Variants in TEX10 observed in about 807,000 individuals in gnomAD.
TEX10 encodes the protein testis expressed 10, also known as testis-expressed protein 10.
Under a neutral mutation model 104.4 loss-of-function variants are expected in TEX10, and 24 were observed. The observed-to-expected ratio is 0.23, with a 90% CI of 0.17 to 0.32. TEX10 has a LOEUF of 0.32. TEX10 is among the 10% of genes least tolerant of loss of function. TEX10 has a pLI of 1.00. For synonymous variants in TEX10, 396 were observed against 393.4 expected, an observed-to-expected ratio of 1.01 and a Z score of -0.08; for missense variants, 921 against 1,083.9, an observed-to-expected ratio of 0.85 and a Z score of 2.11.
intron 14 of TEX10, among the ~76,000 whole-genome samples, 155 bp downstream of exon 14, chr9:100,303,477 C>T (rs945082156): frequency 6.9e-6 from 1 of 145,594 alleles, no homozygotes; most frequent in African/African-American, 2.5e-5. Flanking sequence ...TGCTGGACAG[C>T]ACGGGAGACC....
At chr9:100,352,303 T>A in intron 1 of TEX10, 2 of 1,515,528 alleles carry the variant, frequency 1.3e-6, no homozygotes, top group Non-Finnish European at 1.8e-6. Flanking sequence ...AGAAAACTGG[T>A]AGTCCCCTTC....
rs763912971 is a variant in TEX10, at chr9:100,308,594, C to T, written c.2371G>A (p.Glu791Lys). 8 of 1,613,294 alleles carry T rather than the reference C, an allele frequency of 5.0e-6. No individual in the cohort carries two copies. The Admixed American group carries it at 1.3e-4, about 27-fold the overall frequency. ...KLLDHTCVVSETLLPFLASCC... is the reference protein window; with the variant it reads ...KLLDHTCVVSKTLLPFLASCC... ...GAAGCCAGAAATGGCAGTAGAGTCT[C>T]ACTAACTACACAAGTATGATCCAGG... Residue 791 changes from glutamate to lysine, a missense_variant, in exon 13 of 15, where the codon GAG (glutamate) becomes AAG (lysine). Transcript: ENST00000374902.
chr9:100,312,516 T>C (rs186362471), intron 11 of TEX10, among the ~76,000 whole-genome samples: 2 of 152,336 alleles, frequency 1.3e-5, no homozygotes, highest in East Asian at 1.9e-4. Context: ...GACTACTTTA[T>C]GTCCAATAAG....
At chr9:100,337,642 C>A (rs1232831419) in intron 5 of TEX10, among the ~76,000 whole-genome samples, 1 of 152,182 alleles carries the variant, frequency 6.6e-6, no homozygotes, top group Non-Finnish European at 1.5e-5. Flanking sequence ...CCAAAAGGAT[C>A]TGAAAGATGA....
rs527430258 is a variant in TEX10 at position 100,347,198 on chromosome 9, C to T, written c.389G>A (p.Arg130Gln). ...AAAAAATGGAGAAATTTGTTCAGCTCGTATTTTGGGGGCCAGGAATTGAAG... is the reference window on the plus strand; with the variant it reads ...AAAAAATGGAGAAATTTGTTCAGCTTGTATTTTGGGGGCCAGGAATTGAAG... ...QLLQFLAPKI[R>Q]AEQISPFFPL... Residue 130 changes from arginine (R) to glutamine (Q), a missense_variant, in exon 3 of 15, where the codon CGA becomes CAA. Around this residue, in one of 3 missense-constraint regions of TEX10, gnomAD observed 50 missense variants for 104.2 expected, o/e 0.48. Coordinates refer to ENST00000374902, the MANE Select transcript of TEX10 (RefSeq NM_017746.4). 1.1e-5 allele frequency: 17 copies of T among 1,613,936 alleles called. No individual in the cohort carries two copies. The highest frequency in any genetic ancestry group is 4.0e-5 in the African/African-American group (3 of 75,020).
intron 11 of TEX10, among the ~76,000 whole-genome samples, chr9:100,312,152 T>G (rs950162338): frequency 2.6e-5 from 4 of 152,228 alleles, no homozygotes; most frequent in Non-Finnish European, 5.9e-5. Context: ...TTTTTATTAA[T>G]CCAAACCACA....
intron 1 of TEX10, chr9:100,352,283 G>A: frequency 7.0e-7 from 1 of 1,431,070 alleles, no homozygotes; most frequent in Non-Finnish European, 9.6e-7. Context: ...GCCCAGGCAG[G>A]GGCGACCCCA....
chr9:100,334,069 G>A (rs908185082), intron 5 of TEX10, among the ~76,000 whole-genome samples: 1 of 152,114 alleles, frequency 6.6e-6, no homozygotes, highest in African/African-American at 2.4e-5. Context: ...GTCTTGAAAG[G>A]GAAGAAGAGA....
intron 10 of TEX10, among the ~76,000 whole-genome samples, chr9:100,320,986 C>G (rs1277426905): frequency 1.3e-5 from 2 of 152,134 alleles, no homozygotes; most frequent in African/African-American, 4.8e-5. Flanking sequence ...CTGATGTGGC[C>G]CAACCCTATC....
At chr9:100,329,505 C>A (rs868131860) in intron 6 of TEX10, among the ~76,000 whole-genome samples, 1 of 151,920 alleles carries the variant, frequency 6.6e-6, no homozygotes, top group East Asian at 1.9e-4. Context: ...ATGACAAAAA[C>A]CAGAATATTA....
intron 5 of TEX10, among the ~76,000 whole-genome samples, chr9:100,334,444 AT>A (rs1834955612): frequency 6.6e-6 from 1 of 152,150 alleles, no homozygotes; most frequent in South Asian, 2.1e-4. Flanking sequence ...ATACATTTTT[AT>A]GGGGGGAGAA....
chr9:100,326,144 T>C (rs1834699325), intron 9 of TEX10, among the ~76,000 whole-genome samples, 158 bp downstream of exon 9: 1 of 152,256 alleles, frequency 6.6e-6, no homozygotes, highest in Non-Finnish European at 1.5e-5. Flanking sequence ...GTCTTACTCT[T>C]GTGAACTTAC....
intron 5 of TEX10, among the ~76,000 whole-genome samples, chr9:100,331,133 T>C (rs892778583): frequency 7.3e-5 from 11 of 151,560 alleles, no homozygotes; most frequent in Non-Finnish European, 1.0e-4. Flanking sequence ...TGGTGGCACA[T>C]GCCTGTAATC....
At chr9:100,342,666 C>A (rs564365717) in intron 4 of TEX10, among the ~76,000 whole-genome samples, 1 of 152,156 alleles carries the variant, frequency 6.6e-6, no homozygotes, top group East Asian at 1.9e-4. Context: ...AACTCTAACC[C>A]TCACAGCAAA....
At position 100,347,788 on chromosome 9, in the gene TEX10, G is replaced by A. The variant is rs565731383; in HGVS notation, c.181-382C>T. 2.6e-5 allele frequency among the ~76,000 whole-genome samples: 4 copies of A among 152,088 alleles called. No homozygotes were observed. The South Asian group carries it at 8.3e-4, about 32-fold the overall frequency. ...CCTGTTTCAAATGGGCTTTCACAGG[G>A]TGTTTGTGTTTTATTCAGAGTATAC... On this transcript the variant is annotated intron_variant, in intron 2 of 14. Coordinates refer to ENST00000374902, the MANE Select transcript of TEX10 (RefSeq NM_017746.4).
chr9:100,305,213 A>C (rs1834116121), intron 13 of TEX10: 1 of 152,228 alleles, frequency 6.6e-6, no homozygotes, highest in Non-Finnish European at 1.5e-5. Flanking sequence ...GGAGTGTATA[A>C]TCTTCCTAGT....
intron 11 of TEX10, among the ~76,000 whole-genome samples, chr9:100,313,521 AAAAAAAGAAAAAG>A (rs1834333071): frequency 6.6e-6 from 1 of 151,590 alleles, no homozygotes; most frequent in Non-Finnish European, 1.5e-5. Context: ...GTCAAAAAAA[AAAAAAAGAAAAAG>A]AAAAAGAAAA....
chr9:100,327,134 T>C (rs1588175454), intron 8 of TEX10, among the ~76,000 whole-genome samples: 1 of 152,106 alleles, frequency 6.6e-6, no homozygotes, highest in South Asian at 2.1e-4. Flanking sequence ...CAAATCCATA[T>C]AGACAGAAAG....
At position 100,310,296 on chromosome 9, in the gene TEX10, T is replaced by TA; in HGVS notation, c.2283+2dup. 1 of 1,613,750 alleles carries TA rather than the reference T, an allele frequency of 6.2e-7. No homozygotes were observed. Among genetic ancestry groups the TA allele is most frequent in the Non-Finnish European group, 8.5e-7 (1 of 1,179,716 alleles). Reference sequence around the variant, plus strand: ...TTAAGAGAAAAAGTTTAAGGATACTTACCAAATGCTTACTGATGGCACTTT... The same window carrying TA: ...TTAAGAGAAAAAGTTTAAGGATACTTAACCAAATGCTTACTGATGGCACTTT... On this transcript the variant is annotated splice_region_variant and intron_variant, in intron 12 of 14. Transcript: ENST00000374902.
Sources: gnomAD v4.1 joint callset for allele counts (sites outside exome capture counted in the v4.1 genomes callset) on GRCh38, gnomAD v4.1.1 for gene constraint, gnomAD v4.1.1 regional missense constraint, MANE v1.5 for transcripts, NCBI Gene and HGNC (gene_info 2026-07-23, HGNC 2026-07-21) for gene names.